Variants in ELMO1 observed in about 807,000 individuals in gnomAD.
ELMO1 encodes the protein engulfment and cell motility 1, also known as engulfment and cell motility protein 1.
ELMO1 carries 26 observed loss-of-function variants against 98.9 expected under a neutral mutation model. The ratio of observed to expected loss-of-function variants is 0.26; its 90% CI spans 0.19 to 0.36. The LOEUF (loss-of-function observed/expected upper bound fraction) is 0.36, where lower values mean the gene tolerates loss of function less well. Among genes scored for constraint, ELMO1 ranks in the 10% least tolerant of loss-of-function variants. The probability of loss-of-function intolerance (pLI) is 1.00; values close to 1 mark genes in which losing one functional copy is unlikely to be tolerated. For synonymous variants in ELMO1, 346 were observed against 346.0 expected, an observed-to-expected ratio of 1.00 and a Z score of 0.00; for missense variants, 627 against 935.2, an observed-to-expected ratio of 0.67 and a Z score of 4.30.
At chr7:37,131,068 C>T (rs2541094) in intron 14 of ELMO1, among the ~76,000 whole-genome samples, 14,520 of 152,034 alleles carry the variant, frequency 0.096, 861 homozygotes, top group African/African-American at 0.16. Context: ...ACTGCCATAT[C>T]ATGGAGATAT....
At chr7:37,169,009 G>A (rs1006848357) in intron 13 of ELMO1, among the ~76,000 whole-genome samples, 13 of 152,226 alleles carry the variant, frequency 8.5e-5, no homozygotes, top group South Asian at 2.1e-4. Flanking sequence ...CGAGCTTCCC[G>A]GCTGCTTTGT....
intron 15 of ELMO1, among the ~76,000 whole-genome samples, chr7:37,028,040 T>C (rs569778474): frequency 6.6e-6 from 1 of 152,254 alleles, no homozygotes; most frequent in South Asian, 2.1e-4. Flanking sequence ...AACTGTCTTT[T>C]TTTTTTTTAA....
In ELMO1 at chr7:37,298,410, G is replaced by A. The variant is rs1015809787; in HGVS notation, c.192+16440C>T. On this transcript the variant is annotated intron_variant, in intron 4 of 21. Transcript: ENST00000310758. ...GCTGGTGTGCTGCACCCACTAACTC[G>A]TCATCTAGCATTAGGTATATCTCCC... 4.1e-5 allele frequency among the ~76,000 whole-genome samples: 6 copies of A among 145,946 alleles called. No individual in the cohort carries two copies. In the East Asian group the frequency reaches 6.2e-4, roughly 15 times the overall value.
At chr7:37,374,355 G>A (rs1433497768) in intron 1 of ELMO1, among the ~76,000 whole-genome samples, 1 of 152,132 alleles carries the variant, frequency 6.6e-6, no homozygotes, top group Non-Finnish European at 1.5e-5. Context: ...TGTTGTCCGA[G>A]AATTAATAAT....
intron 16 of ELMO1, among the ~76,000 whole-genome samples, chr7:36,989,871 G>A (rs1442196853): frequency 6.6e-6 from 1 of 152,160 alleles, no homozygotes; most frequent in Non-Finnish European, 1.5e-5. Context: ...GACACTATGT[G>A]AAACGTCATA....
chr7:36,939,123 C>G (rs1786796576), intron 16 of ELMO1, among the ~76,000 whole-genome samples: 1 of 151,520 alleles, frequency 6.6e-6, no homozygotes, highest in African/African-American at 2.4e-5. Context: ...AGACTAACCC[C>G]TAAAGTACTA....
chr7:36,980,474 A>G (rs1301231068), intron 16 of ELMO1, among the ~76,000 whole-genome samples: 1 of 152,248 alleles, frequency 6.6e-6, no homozygotes, highest in Non-Finnish European at 1.5e-5. Context: ...TCTAAACTTC[A>G]GTTTACCCAT....
In ELMO1 at chr7:37,135,316, C is replaced by T. The variant is rs376694848; in HGVS notation, c.1087-2082G>A. Among the ~76,000 whole-genome samples, 73 of 152,326 alleles carry T rather than the reference C, an allele frequency of 4.8e-4. 1 individual carries two copies. The South Asian group carries it at 0.015, about 32-fold the overall frequency. On this transcript the variant is annotated intron_variant, in intron 13 of 21. Coordinates refer to ENST00000310758, the MANE Select transcript of ELMO1 (RefSeq NM_014800.11). ...GGATAGAGTAGCATGTGGAGACTTA[C>T]ATCATGAACTTTTGTTCCAAGAACA...
chr7:36,949,941 G>A (rs368854846), intron 16 of ELMO1, among the ~76,000 whole-genome samples: 16 of 152,270 alleles, frequency 1.1e-4, no homozygotes, highest in South Asian at 1.0e-3. Context: ...CCAAAGTCCC[G>A]TGGCTAAGCT....
At chr7:36,935,378 G>A (rs950188412) in intron 16 of ELMO1, among the ~76,000 whole-genome samples, 4 of 151,940 alleles carry the variant, frequency 2.6e-5, no homozygotes, top group Admixed American at 2.0e-4. Context: ...TCAGCCACAC[G>A]TAAAGGACTA....
chr7:37,218,038 G>A (rs1007153348), intron 10 of ELMO1, among the ~76,000 whole-genome samples: 6 of 152,112 alleles, frequency 3.9e-5, no homozygotes, highest in Admixed American at 1.3e-4. Context: ...TCCCTTCCAC[G>A]AGGCATAGAA....
At chr7:37,407,443 G>A (rs1306786036) in intron 1 of ELMO1, among the ~76,000 whole-genome samples, 1 of 151,796 alleles carries the variant, frequency 6.6e-6, no homozygotes, top group East Asian at 1.9e-4. Flanking sequence ...AGAAGGCGGA[G>A]GTTGCAGTGA....
At chr7:36,924,501 C>G (rs1013978758) in intron 16 of ELMO1, among the ~76,000 whole-genome samples, 1 of 152,180 alleles carries the variant, frequency 6.6e-6, no homozygotes, top group Non-Finnish European at 1.5e-5. Flanking sequence ...AGGAGTACGT[C>G]CTCTTAGCAC....
rs556202919 is a variant in ELMO1, at chr7:37,273,650, C to G, written c.193-1768G>C. On this transcript the variant is annotated intron_variant, in intron 4 of 21. Coordinates refer to ENST00000310758, the MANE Select transcript of ELMO1 (RefSeq NM_014800.11). ...TCTTCCAGCAGAGTACACACCACAC[C>G]CAATTTCCAGGAGGAGGCCTTCCAG... Among the ~76,000 whole-genome samples the G allele has an allele frequency of 3.5e-4, 53 of 152,246 alleles. No homozygotes were observed. The South Asian group carries it at 4.8e-3, about 14-fold the overall frequency.
intron 13 of ELMO1, among the ~76,000 whole-genome samples, chr7:37,181,359 G>A (rs1790851033): frequency 6.6e-6 from 1 of 151,748 alleles, no homozygotes; most frequent in African/African-American, 2.4e-5. Context: ...TCCCTGCAGG[G>A]TGGGGTTACA....
chr7:36,944,949 G>T (rs748473716), intron 16 of ELMO1, among the ~76,000 whole-genome samples: 1 of 152,132 alleles, frequency 6.6e-6, no homozygotes, highest in African/African-American at 2.4e-5. Context: ...GGGAATAAAG[G>T]GTCCTGAATT....
intron 16 of ELMO1, among the ~76,000 whole-genome samples, chr7:36,954,976 G>A (rs1788323186): frequency 6.6e-6 from 1 of 152,144 alleles, no homozygotes; most frequent in Admixed American, 6.5e-5. Flanking sequence ...CACAACCCGT[G>A]ACCCTGAAGT....
chr7:37,287,049 C>G (rs1436568236), intron 4 of ELMO1, among the ~76,000 whole-genome samples: 3 of 152,038 alleles, frequency 2.0e-5, no homozygotes, highest in South Asian at 2.1e-4. Context: ...AAAAATTAGC[C>G]AGGCGTGGTG....
chr7:37,333,793 C>T (rs552051124), intron 2 of ELMO1, among the ~76,000 whole-genome samples: 3 of 152,250 alleles, frequency 2.0e-5, no homozygotes, highest in Non-Finnish European at 2.9e-5. Flanking sequence ...CCTATTATGA[C>T]GGTATGAAAG....
Sources: gnomAD v4.1 joint callset for allele counts (sites outside exome capture counted in the v4.1 genomes callset) on GRCh38, gnomAD v4.1.1 for gene constraint, MANE v1.5 for transcripts, NCBI Gene and HGNC (gene_info 2026-07-23, HGNC 2026-07-21) for gene names.